PLXDC2: variants seen among roughly 807,000 people sequenced by gnomAD.
PLXDC2 encodes the protein plexin domain containing 2.
PLXDC2 carries 40 observed loss-of-function variants against 68.9 expected under a neutral mutation model. The observed-to-expected ratio is 0.58, with a 90% CI of 0.45 to 0.76. The LOEUF is 0.76. Ranked by LOEUF, PLXDC2 falls within the 30% of genes least tolerant of loss-of-function variation. The probability of loss-of-function intolerance (pLI) is 0.00; values close to 1 mark genes in which losing one functional copy is unlikely to be tolerated. For synonymous variants in PLXDC2, 243 were observed against 234.2 expected, an observed-to-expected ratio of 1.04 and a Z score of -0.34; for missense variants, 644 against 661.9, an observed-to-expected ratio of 0.97 and a Z score of 0.30.
chr10:20,044,672 A>T (rs1366311600), intron 2 of PLXDC2, among the ~76,000 whole-genome samples: 1 of 152,080 alleles, frequency 6.6e-6, no homozygotes, highest in East Asian at 1.9e-4. Flanking sequence ...CATAGTAGCA[A>T]AATGGAGCCA....
intron 7 of PLXDC2, among the ~76,000 whole-genome samples, chr10:20,165,305 T>G (rs1834359736): frequency 6.6e-6 from 1 of 152,104 alleles, no homozygotes; most frequent in East Asian, 1.9e-4. Flanking sequence ...ACTTTAAGTT[T>G]TAGGGTACAT....
At chr10:20,227,497 G>T (rs969066676) in intron 12 of PLXDC2, among the ~76,000 whole-genome samples, 1 of 152,098 alleles carries the variant, frequency 6.6e-6, no homozygotes, top group Non-Finnish European at 1.5e-5. Flanking sequence ...ATCAAGATCT[G>T]GTTGGATAAC....
intron 2 of PLXDC2, among the ~76,000 whole-genome samples, chr10:20,007,366 A>G (rs936384478): frequency 2.6e-5 from 4 of 152,164 alleles, no homozygotes; most frequent in Non-Finnish European, 5.9e-5. Flanking sequence ...AGTGTTCTTC[A>G]CTTTATAGAA....
At chr10:20,206,493 A>C (rs1278411901) in intron 9 of PLXDC2, among the ~76,000 whole-genome samples, 1 of 151,964 alleles carries the variant, frequency 6.6e-6, no homozygotes, top group Non-Finnish European at 1.5e-5. Context: ...AGTGTGTTCA[A>C]AGGTAGAGTC....
Position 20,245,466 on chromosome 10 carries a change from T to C in PLXDC2, c.1434T>C (p.Tyr478=). 4 of 1,612,826 alleles carry C rather than the reference T, an allele frequency of 2.5e-6. No individual in the cohort carries two copies. The highest frequency in any genetic ancestry group is 3.4e-6 in the Non-Finnish European group (4 of 1,179,790). The stretch of plus-strand genomic sequence containing the variant: ...CCATTCTTGTGACAGTCTATATGTA[T>C]CACCACCCAACATCAGCAGCCAGCA... ...ATAILVTVYM[Y]HHPTSAASIF... The change falls in exon 13 of 14, where the codon TAT becomes TAC. Residue 478 remains tyrosine (Y), a synonymous_variant. Transcript: ENST00000377252.
At chr10:20,126,172 CAT>C (rs1002655076) in intron 4 of PLXDC2, among the ~76,000 whole-genome samples, 45 of 145,152 alleles carry the variant, frequency 3.1e-4, no homozygotes, top group African/African-American at 9.6e-4. Flanking sequence ...TGTATCTATA[CAT>C]ATATGTTATA....
intron 1 of PLXDC2, among the ~76,000 whole-genome samples, chr10:19,922,872 C>T (rs1333320069): frequency 6.6e-6 from 1 of 152,118 alleles, no homozygotes; most frequent in East Asian, 1.9e-4. Flanking sequence ...TAACATAGTA[C>T]CAAGCATTTT....
At chr10:19,938,363 G>C (rs1007816666) in intron 1 of PLXDC2, among the ~76,000 whole-genome samples, 1 of 152,156 alleles carries the variant, frequency 6.6e-6, no homozygotes, top group African/African-American at 2.4e-5. Context: ...ATAAAGAAAA[G>C]AGGTTTCATT....
chr10:20,273,323 TC>T (rs1835963262), intron 13 of PLXDC2, among the ~76,000 whole-genome samples: 1 of 152,212 alleles, frequency 6.6e-6, no homozygotes, highest in Non-Finnish European at 1.5e-5. Flanking sequence ...AAGAAAATCT[TC>T]TCGTCTGTGT....
intron 12 of PLXDC2, among the ~76,000 whole-genome samples, chr10:20,244,971 G>C (rs1054473750): frequency 6.6e-6 from 1 of 152,048 alleles, no homozygotes; most frequent in East Asian, 1.9e-4. Flanking sequence ...AAAATTAGCC[G>C]GGTGTGGTGA....
chr10:19,950,786 C>T (rs1564637188), intron 1 of PLXDC2, among the ~76,000 whole-genome samples: 1 of 152,112 alleles, frequency 6.6e-6, no homozygotes, highest in African/African-American at 2.4e-5. Flanking sequence ...CAGCATGGTA[C>T]TGGTACAAGA....
intron 2 of PLXDC2, among the ~76,000 whole-genome samples, chr10:20,032,480 A>C (rs965280859): frequency 6.6e-6 from 1 of 152,174 alleles, no homozygotes. Flanking sequence ...ACTTTTCAAA[A>C]GGATTACTCT....
At chr10:20,157,639 C>T (rs1251497231) in intron 6 of PLXDC2, among the ~76,000 whole-genome samples, 1 of 152,172 alleles carries the variant, frequency 6.6e-6, no homozygotes, top group Admixed American at 6.6e-5. Flanking sequence ...CTTTGACTCT[C>T]CTTCCAAAGG....
At chr10:19,906,831 T>C (rs1329855633) in intron 1 of PLXDC2, among the ~76,000 whole-genome samples, 6 of 152,146 alleles carry the variant, frequency 3.9e-5, no homozygotes, top group African/African-American at 9.7e-5. Context: ...TTGGGCATTA[T>C]TGTTCCCCTA....
At chr10:20,191,136 T>C (rs1442712910) in intron 9 of PLXDC2, among the ~76,000 whole-genome samples, 1 of 151,986 alleles carries the variant, frequency 6.6e-6, no homozygotes, top group Non-Finnish European at 1.5e-5. Flanking sequence ...CAAGTTAATA[T>C]ATATTATTAG....
At position 19,821,331 on chromosome 10, in the gene PLXDC2, G is replaced by A. The variant is rs564741668; in HGVS notation, c.112+4140G>A. Among the ~76,000 whole-genome samples, 7 of 152,172 alleles carry A rather than the reference G, an allele frequency of 4.6e-5. No individual in the cohort carries two copies. In the South Asian group the frequency reaches 1.5e-3, roughly 32 times the overall value. ...CTCCTGCTCTTCCTTCTCTAAGTGC[G>A]TCTCCATCCATCCATTTTCCAATTT... is the stretch of plus-strand genomic sequence containing the variant. On this transcript the variant is annotated intron_variant, in intron 1 of 13. Coordinates refer to ENST00000377252, the MANE Select transcript of PLXDC2 (RefSeq NM_032812.9).
At chr10:19,867,345 A>G (rs1209940675) in intron 1 of PLXDC2, among the ~76,000 whole-genome samples, 1 of 152,124 alleles carries the variant, frequency 6.6e-6, no homozygotes, top group South Asian at 2.1e-4. Flanking sequence ...GATTATAGGC[A>G]TAAGCCACCA....
At chr10:20,177,259 G>T in intron 8 of PLXDC2, 69 bp from the exon 9 acceptor site, 1 of 1,410,132 alleles carries the variant, frequency 7.1e-7, no homozygotes, top group Non-Finnish European at 1.0e-6. Context: ...TTTTATTCTG[G>T]TTGAGTAATC....
chr10:20,093,816 G>A (rs997935844), intron 4 of PLXDC2, among the ~76,000 whole-genome samples: 1 of 152,048 alleles, frequency 6.6e-6, no homozygotes, highest in Non-Finnish European at 1.5e-5. Context: ...TGGGACCAAA[G>A]GTTAGCACCA....
Sources: gnomAD v4.1 joint callset for allele counts (sites outside exome capture counted in the v4.1 genomes callset) on GRCh38, gnomAD v4.1.1 for gene constraint, MANE v1.5 for transcripts, NCBI Gene and HGNC (gene_info 2026-07-23, HGNC 2026-07-21) for gene names.